Variants in FAM81B observed in about 807,000 individuals in gnomAD.
The protein encoded by FAM81B is family with sequence similarity 81 member B, also known as protein FAM81B.
A neutral mutation model predicts 58.7 loss-of-function variants in FAM81B; 60 were observed. The observed-to-expected ratio is 1.02, with a 90% CI of 0.83 to 1.27. FAM81B has a LOEUF of 1.27. Among genes scored for constraint, FAM81B ranks in the 50% most tolerant of loss-of-function variants. The pLI is 0.00. For missense variants in FAM81B, 491 were observed against 522.0 expected (o/e 0.94, Z 0.58); for synonymous variants, 189 against 179.6 (o/e 1.05, Z -0.42).
chr5:95,424,753 G>T (rs1268610575), intron 5 of FAM81B, among the ~76,000 whole-genome samples: 3 of 151,924 alleles, frequency 2.0e-5, no homozygotes, highest in Admixed American at 6.6e-5. Context: ...GGCAGTGAGA[G>T]GAAGGGTCAG....
chr5:95,442,985 C>T (rs977397012), intron 7 of FAM81B, among the ~76,000 whole-genome samples: 1 of 152,204 alleles, frequency 6.6e-6, no homozygotes, highest in South Asian at 2.1e-4. Context: ...TACATTCACA[C>T]TTGGTCAAAG....
intron 3 of FAM81B, among the ~76,000 whole-genome samples, chr5:95,408,245 T>TA (rs1258698449): frequency 1.3e-5 from 2 of 151,882 alleles, no homozygotes; most frequent in Admixed American, 6.6e-5. Flanking sequence ...AGGGAAGGAG[T>TA]AATATATTAA....
chr5:95,407,395 C>T (rs1335356989), intron 3 of FAM81B, among the ~76,000 whole-genome samples: 2 of 149,898 alleles, frequency 1.3e-5, no homozygotes, highest in African/African-American at 4.9e-5. Context: ...CTCTTTTACA[C>T]ACACACACAC....
intron 5 of FAM81B, among the ~76,000 whole-genome samples, chr5:95,421,138 C>T (rs1229478985): frequency 6.6e-6 from 1 of 152,186 alleles, no homozygotes; most frequent in Non-Finnish European, 1.5e-5. Context: ...TCATCTTATG[C>T]CAGGCCGTGT....
intron 8 of FAM81B, 27 bp downstream of exon 8, chr5:95,446,724 C>T: frequency 1.9e-6 from 3 of 1,608,300 alleles, no homozygotes; most frequent in Non-Finnish European, 1.7e-6. Flanking sequence ...TTTTGTGAAG[C>T]AAGCACCTGC....
chr5:95,419,179 A>C (rs1186552869), intron 4 of FAM81B, among the ~76,000 whole-genome samples: 1 of 152,198 alleles, frequency 6.6e-6, no homozygotes, highest in Non-Finnish European at 1.5e-5. Context: ...TACATCTTCA[A>C]TTAAGGCTTC....
intron 5 of FAM81B, among the ~76,000 whole-genome samples, chr5:95,422,078 A>C (rs1355821405): frequency 2.0e-5 from 3 of 152,118 alleles, no homozygotes; most frequent in Non-Finnish European, 4.4e-5. Flanking sequence ...GGAAGGGAGG[A>C]GGTGTCAGGG....
At chr5:95,405,946 T>C (rs561584770) in intron 3 of FAM81B, among the ~76,000 whole-genome samples, 38 of 152,332 alleles carry the variant, frequency 2.5e-4, no homozygotes, top group African/African-American at 9.1e-4. Context: ...AAGTTTCTTG[T>C]TATTGTTACT....
intron 8 of FAM81B, among the ~76,000 whole-genome samples, chr5:95,446,946 T>A (rs1447213296): frequency 5.6e-5 from 8 of 141,648 alleles, no homozygotes; most frequent in Non-Finnish European, 1.2e-4. Context: ...AGAGGTTTTT[T>A]TTTTTAAAAA....
In FAM81B at chr5:95,446,953, A is replaced by T. The variant is rs539104366; in HGVS notation, c.1029+256A>T. On this transcript the variant is annotated intron_variant, in intron 8 of 9. Coordinates refer to ENST00000283357, the MANE Select transcript of FAM81B (RefSeq NM_152548.3). Reference sequence around the variant, plus strand: ...GAATCTGAAGAGGTTTTTTTTTTTAAAAAAAAAAAAATAGATTGCCACCCC... The same window carrying T: ...GAATCTGAAGAGGTTTTTTTTTTTATAAAAAAAAAAATAGATTGCCACCCC... Among the ~76,000 whole-genome samples the T allele has an allele frequency of 1.3e-3, 185 of 147,600 alleles. 1 individual carries two copies. The highest frequency in any genetic ancestry group is 6.2e-3 in the South Asian group (29 of 4,660).
chr5:95,419,939 A>G (rs1762633040), intron 4 of FAM81B, among the ~76,000 whole-genome samples: 1 of 152,220 alleles, frequency 6.6e-6, no homozygotes, highest in South Asian at 2.1e-4. Context: ...CCATATCAAC[A>G]CAATGCATGT....
At chr5:95,396,020 T>C (rs1761955923) in intron 2 of FAM81B, 91 bp from the exon 3 acceptor site, 4 of 1,036,070 alleles carry the variant, frequency 3.9e-6, no homozygotes, top group Non-Finnish European at 5.8e-6. Context: ...ATACATTTTG[T>C]TTAAAATTAA....
intron 6 of FAM81B, among the ~76,000 whole-genome samples, chr5:95,436,395 A>G (rs1358389206): frequency 6.6e-6 from 1 of 152,186 alleles, no homozygotes; most frequent in Non-Finnish European, 1.5e-5. Flanking sequence ...TGATCACCTA[A>G]TGTGCACTGA....
chr5:95,405,922 G>A (rs1762231834), intron 3 of FAM81B, among the ~76,000 whole-genome samples: 1 of 152,184 alleles, frequency 6.6e-6, no homozygotes, highest in South Asian at 2.1e-4. Flanking sequence ...ACTCCCCAAA[G>A]TCAATTGTTC....
intron 6 of FAM81B, among the ~76,000 whole-genome samples, chr5:95,429,859 G>A (rs550111489): frequency 5.3e-5 from 8 of 152,224 alleles, no homozygotes; most frequent in East Asian, 1.9e-4. Context: ...TCATGTTAAG[G>A]AAGTATCCAG....
intron 5 of FAM81B, chr5:95,424,097 C>T (rs1259101478): frequency 1.2e-5 from 16 of 1,289,582 alleles, no homozygotes; most frequent in Middle Eastern, 2.1e-4. Context: ...GGCTGAAGTG[C>T]GACAGGCTGA....
At chr5:95,392,768 C>T in intron 1 of FAM81B, 26 bp from the exon 2 acceptor site, 3 of 1,582,460 alleles carry the variant, frequency 1.9e-6, no homozygotes, top group Non-Finnish European at 2.6e-6. Flanking sequence ...TAGTTCCTGA[C>T]CTGATTCAGC....
chr5:95,410,228 CCTTGAGACCTGAGGGTA>C (rs755929919), intron 3 of FAM81B, among the ~76,000 whole-genome samples: 1 of 152,172 alleles, frequency 6.6e-6, no homozygotes, highest in Non-Finnish European at 1.5e-5. Context: ...GGAACAACAA[CCTTGAGACCTGAGGGTA>C]AAGGTCACAT....
chr5:95,422,802 G>A (rs574227784), intron 5 of FAM81B, among the ~76,000 whole-genome samples: 1 of 152,122 alleles, frequency 6.6e-6, no homozygotes. Flanking sequence ...ATAGCAAATG[G>A]ATCTCAAAGA....
Sources: gnomAD v4.1 joint callset for allele counts (sites outside exome capture counted in the v4.1 genomes callset) on GRCh38, gnomAD v4.1.1 for gene constraint, MANE v1.5 for transcripts, NCBI Gene and HGNC (gene_info 2026-07-23, HGNC 2026-07-21) for gene names.